The following CPM variants were observed in gnomAD, a reference collection of about 807,000 sequenced individuals.
The protein encoded by CPM is carboxypeptidase M.
In CPM, 35 loss-of-function variants were observed where a neutral mutation model predicts 46.4. The ratio of observed to expected loss-of-function variants is 0.75; its 90% CI spans 0.58 to 1.00. The LOEUF is 1.00. Ranked by LOEUF, CPM falls within the 50% of genes least tolerant of loss-of-function variation. CPM has a pLI of 0.00. For synonymous variants in CPM, 195 were observed against 195.3 expected (o/e 1.00, Z 0.01); for missense variants, 422 against 530.4 (o/e 0.80, Z 2.01).
chr12:68,933,015 C>G (rs1471959885), intron 1 of CPM, 127 bp downstream of exon 1: 1 of 551,278 alleles, frequency 1.8e-6, no homozygotes, highest in Non-Finnish European at 3.1e-6. Context: ...AACCAGAGAC[C>G]GGGAGCACGG....
Position 68,860,966 on chromosome 12 carries a change from G to A in CPM, c.941-1895C>T, listed in dbSNP as rs538572124. Among the ~76,000 whole-genome samples the A allele has an allele frequency of 2.0e-5, 3 of 151,606 alleles. No individual in the cohort carries two copies. The East Asian group carries it at 5.8e-4, about 29-fold the overall frequency. ...TGTGATCAGGGCTTACTGCAGCCTT[G>A]ACTTCCCATGCTCAAGCAGTCCTCC... On this transcript the variant is annotated intron_variant, in intron 7 of 8. Transcript: ENST00000551568.
rs150121271 is a variant in CPM, at chr12:68,856,983, C to T, written c.1090-304G>A. 6.7e-3 allele frequency among the ~76,000 whole-genome samples: 1,026 copies of T among 152,260 alleles called. 14 individuals carry two copies. Among genetic ancestry groups the T allele is most frequent in the African/African-American group, 0.023 (951 of 41,550 alleles). ...CAGATGTTTCTGCCACCATCCTTTT[C>T]GTGGGGCAGAAGGGTAAAGAGATAA... is the stretch of plus-strand genomic sequence containing the variant. On this transcript the variant is annotated intron_variant, in intron 8 of 8. Coordinates refer to ENST00000551568, the MANE Select transcript of CPM (RefSeq NM_198320.5).
At chr12:68,922,473 C>T (rs371290626) in intron 2 of CPM, among the ~76,000 whole-genome samples, 1 of 152,190 alleles carries the variant, frequency 6.6e-6, no homozygotes, top group African/African-American at 2.4e-5. Flanking sequence ...CTCCTGAATT[C>T]TGTGATAGAC....
intron 7 of CPM, among the ~76,000 whole-genome samples, chr12:68,860,925 G>A (rs1377414225): frequency 6.6e-6 from 1 of 151,530 alleles, no homozygotes; most frequent in African/African-American, 2.4e-5. Context: ...CTGTCACCCA[G>A]GCTGGAGTGC....
downstream of CPM, chr12:68,848,253 G>C (rs959244688): frequency 6.6e-6 from 1 of 152,184 alleles, no homozygotes; most frequent in Non-Finnish European, 1.5e-5. Context: ...CGTGATCTTG[G>C]CTCACTGCAG....
chr12:68,888,365 A>G (rs1886520455), intron 2 of CPM, among the ~76,000 whole-genome samples: 1 of 152,230 alleles, frequency 6.6e-6, no homozygotes, highest in Admixed American at 6.5e-5. Context: ...CAATTTTAGC[A>G]TAAGTGGTCC....
chr12:68,870,385 T>C lies in CPM; in HGVS notation c.446A>G (p.Gln149Arg). The change falls in exon 5 of 9, where the codon CAG becomes CGG. Residue 149 changes from glutamine (Q) to arginine (R), a missense_variant. Gln to Arg is a conservative substitution (Grantham distance 43, BLOSUM62 1). Coordinates refer to ENST00000551568, the MANE Select transcript of CPM (RefSeq NM_198320.5). Reference protein sequence around the residue: ...YYSIGRENYNQYDLNRNFPDA... With the variant: ...YYSIGRENYNRYDLNRNFPDA... ...GGGGAAATTTCGATTCAAGTCATAC[T>C]GGTTATAATTTTCCCTTTAAAAGAA... 6.2e-7 allele frequency: 1 copy of C among 1,613,818 alleles called. No homozygotes were observed. The highest frequency in any genetic ancestry group is 1.7e-5 in the Admixed American group (1 of 59,948).
At chr12:68,857,873 A>G (rs1437569938) in intron 8 of CPM, among the ~76,000 whole-genome samples, 1 of 152,236 alleles carries the variant, frequency 6.6e-6, no homozygotes, top group Non-Finnish European at 1.5e-5. Flanking sequence ...TTTTAAATAG[A>G]ATAGAAATAT....
At position 68,914,033 on chromosome 12, in the gene CPM, A is replaced by G. The variant is rs570730404; in HGVS notation, c.160+18645T>C. On this transcript the variant is annotated intron_variant, in intron 2 of 8. Coordinates refer to ENST00000551568, the MANE Select transcript of CPM (RefSeq NM_198320.5). ...AGGACTGCGGCCTCTTCAAATCCTCACTATTCCATTCCTCAGGTATAAATG... is the reference window on the plus strand; with the variant it reads ...AGGACTGCGGCCTCTTCAAATCCTCGCTATTCCATTCCTCAGGTATAAATG... The G allele has an allele frequency of 1.1e-4, 76 of 706,758 alleles. No individual in the cohort carries two copies. In the Admixed American group the frequency reaches 1.4e-3, roughly 13 times the overall value. The allele number at this position is 706,758 out of a possible 1,614,324, so 43.8% of individuals were successfully genotyped here.
chr12:68,889,280 CT>C (rs1450432924), intron 2 of CPM, among the ~76,000 whole-genome samples: 2 of 152,116 alleles, frequency 1.3e-5, no homozygotes, highest in Non-Finnish European at 2.9e-5. Flanking sequence ...TCTAATCCAC[CT>C]TTTTAAATGG....
At chr12:68,959,591 G>A (rs1450087163) in intron 1 of CPM, among the ~76,000 whole-genome samples, 1 of 152,240 alleles carries the variant, frequency 6.6e-6, no homozygotes. Context: ...TTGGCTGCAT[G>A]GGGGCATTGC....
chr12:68,947,853 A>C (rs1228079626), intron 1 of CPM, among the ~76,000 whole-genome samples: 1 of 151,904 alleles, frequency 6.6e-6, no homozygotes, highest in East Asian at 1.9e-4. Flanking sequence ...AGGTCTTGCT[A>C]TGTTGCCCAG....
chr12:68,952,599 C>T (rs1350993998), intron 1 of CPM, among the ~76,000 whole-genome samples: 1 of 152,200 alleles, frequency 6.6e-6, no homozygotes, highest in Non-Finnish European at 1.5e-5. Flanking sequence ...TGGCTCTGCC[C>T]ACCTCCCTCC....
intron 2 of CPM, among the ~76,000 whole-genome samples, chr12:68,904,100 A>G (rs112179688): frequency 0.014 from 2,153 of 152,214 alleles, 38 homozygotes; most frequent in African/African-American, 0.048. Context: ...GGCTGGTCCT[A>G]AACTCCTGGT....
chr12:68,962,014 C>A (rs1012112999), intron 1 of CPM, among the ~76,000 whole-genome samples: 1 of 152,096 alleles, frequency 6.6e-6, no homozygotes, highest in South Asian at 2.1e-4. Flanking sequence ...TCCTGGCTAA[C>A]GCGGTGAAAC....
In CPM at chr12:68,856,134, T is replaced by A. The variant is rs181714783; in HGVS notation, c.*303A>T. 8.8e-5 allele frequency: 28 copies of A among 316,872 alleles called. No individual in the cohort carries two copies. The East Asian group carries it at 1.6e-3, about 18-fold the overall frequency. 19.6% of individuals were successfully genotyped at this position (316,872 alleles called of 1,614,324 possible). A position where few individuals can be genotyped will look rare whatever the true frequency, so the allele number is the denominator to read the frequency against. On this transcript the variant is annotated 3_prime_UTR_variant, in exon 9 of 9. Transcript: ENST00000551568. ...CAAAATGATCTTCTTTTTGCAGGCA[T>A]TTTTTTGCTTCTCAAGTTTTAACTT...
chr12:68,948,528 G>T (rs78400544), intron 1 of CPM, among the ~76,000 whole-genome samples: 3 of 152,056 alleles, frequency 2.0e-5, no homozygotes, highest in East Asian at 1.9e-4. Context: ...GGGGGTTTTG[G>T]GGGGAGGGTA....
chr12:68,909,335 G>A (rs1887483018), intron 2 of CPM, among the ~76,000 whole-genome samples: 3 of 152,096 alleles, frequency 2.0e-5, no homozygotes, highest in Admixed American at 2.0e-4. Flanking sequence ...CTGTAGGTGT[G>A]TACCACCATG....
intron 1 of CPM, among the ~76,000 whole-genome samples, chr12:68,961,334 G>A (rs180844183): frequency 1.6e-4 from 24 of 152,166 alleles, no homozygotes; most frequent in African/African-American, 5.8e-4. Flanking sequence ...TTGTAAAGAT[G>A]GAGTTTTGCC....
Sources: allele counts gnomAD v4.1 joint callset (sites outside exome capture counted in the v4.1 genomes callset), GRCh38; gene constraint gnomAD v4.1.1; transcripts MANE v1.5; gene names NCBI Gene and HGNC (gene_info 2026-07-23, HGNC 2026-07-21).